ZNF230: variants seen among roughly 807,000 people sequenced by gnomAD.
ZNF230 encodes the protein zinc finger protein FDZF2.
A neutral mutation model predicts 10.0 loss-of-function variants in ZNF230; 12 were observed. That is an observed-to-expected ratio of 1.20 (90% CI 0.77 to 1.95). The LOEUF (loss-of-function observed/expected upper bound fraction) is 1.95, where lower values mean the gene tolerates loss of function less well. Among genes scored for constraint, ZNF230 ranks in the 30% most tolerant of loss-of-function variants. ZNF230 has a pLI of 0.00. For synonymous variants in ZNF230, 174 were observed against 193.6 expected, an observed-to-expected ratio of 0.90 and a Z score of 0.84; for missense variants, 532 against 565.8, an observed-to-expected ratio of 0.94 and a Z score of 0.61.
Position 44,012,539 on chromosome 19 carries a change from C to G in ZNF230, c.*1075C>G. On this transcript the variant is annotated 3_prime_UTR_variant, in exon 5 of 5. Coordinates refer to ENST00000429154, the MANE Select transcript of ZNF230 (RefSeq NM_006300.4). The stretch of plus-strand genomic sequence containing the variant: ...GCAGTAGGGTTGCAAACAGAACTTA[C>G]GCTTGTCATTCAGGAGACAGGCCTT... The G allele has an allele frequency of 1.6e-5, 8 of 505,728 alleles. No individual in the cohort carries two copies. The highest frequency in any genetic ancestry group is 1.2e-4 in the South Asian group (8 of 69,342). The allele number at this position is 505,728 out of a possible 1,614,324, so 31.3% of individuals were successfully genotyped here.
chr19:44,010,567 C>T lies in ZNF230; in HGVS notation c.528C>T (p.Ser176=). The change falls in exon 5 of 5, where the codon AGC becomes AGT. Residue 176 remains serine, a synonymous_variant. Coordinates refer to ENST00000429154, the MANE Select transcript of ZNF230 (RefSeq NM_006300.4). ...KSHTCNECGK[S]FCYISALRIH... ...ATACATGCAATGAGTGTGGAAAAAG[C>T]TTCTGTTACATCTCAGCTCTTCGTA... The T allele has an allele frequency of 6.2e-7, 1 of 1,614,256 alleles. No individual in the cohort carries two copies. The highest frequency in any genetic ancestry group is 1.3e-5 in the African/African-American group (1 of 75,076).
intron 3 of ZNF230, 22 bp downstream of exon 3, chr19:44,008,938 A>G: frequency 6.2e-7 from 1 of 1,612,870 alleles, no homozygotes; most frequent in South Asian, 1.1e-5. Context: ...CACCCTCTGT[A>G]ATGGTACATC....
chr19:44,012,957 A>G lies in ZNF230; in HGVS notation c.*1493A>G, dbSNP rs1303405101. The G allele has an allele frequency of 6.5e-6, 1 of 153,350 alleles. No individual in the cohort carries two copies. The highest frequency in any genetic ancestry group is 1.5e-5 in the Non-Finnish European group (1 of 68,904). 9.5% of individuals were successfully genotyped at this position (153,350 alleles called of 1,614,324 possible). On this transcript the variant is annotated 3_prime_UTR_variant, in exon 5 of 5. Transcript: ENST00000429154. Reference sequence around the variant, plus strand: ...GGTTGCATACAATATAAATTCAACAATCATTTGTAACTCTTCTCACACTAC... The same window carrying G: ...GGTTGCATACAATATAAATTCAACAGTCATTTGTAACTCTTCTCACACTAC...
chr19:44,010,682 G>C lies in ZNF230; in HGVS notation c.643G>C (p.Glu215Gln), dbSNP rs1976170693. The change falls in exon 5 of 5, where the codon GAG becomes CAG. Residue 215 changes from glutamate to glutamine, a missense_variant. Coordinates refer to ENST00000429154, the MANE Select transcript of ZNF230 (RefSeq NM_006300.4). ...FSQSSCLQTR[E>Q]RVHTGEKPFK... is the part of the protein sequence containing the mutation. ...TCAGAGCTCATGTCTGCAAACTCGTGAGAGAGTCCACACTGGAGAGAAACC... is the reference window on the plus strand; with the variant it reads ...TCAGAGCTCATGTCTGCAAACTCGTCAGAGAGTCCACACTGGAGAGAAACC... 8 of 1,614,222 alleles carry C rather than the reference G, an allele frequency of 5.0e-6. No individual in the cohort carries two copies. The East Asian group carries it at 1.8e-4, about 36-fold the overall frequency.
rs74995621 is a variant in ZNF230, at chr19:44,013,736, A to G, written c.*2272A>G. On this transcript the variant is annotated 3_prime_UTR_variant, in exon 5 of 5. Coordinates refer to ENST00000429154, the MANE Select transcript of ZNF230 (RefSeq NM_006300.4). The stretch of plus-strand genomic sequence containing the variant: ...TGTGTATATACGTAATTTGTGAACA[A>G]CTATTCTTTCCTCTGGCAATGAATA... The G allele has an allele frequency of 1.3e-4, 20 of 152,156 alleles. No homozygotes were observed. The East Asian group carries it at 3.3e-3, about 25-fold the overall frequency. The allele number at this position is 152,156 out of a possible 1,614,324, so 9.4% of individuals were successfully genotyped here. A position where few individuals can be genotyped will look rare whatever the true frequency, so the allele number is the denominator to read the frequency against.
In ZNF230 at chr19:44,010,585, T is replaced by A; in HGVS notation, c.546T>A (p.Ala182=). 1 of 1,614,236 alleles carries A rather than the reference T, an allele frequency of 6.2e-7. No homozygotes were observed. The highest frequency in any genetic ancestry group is 8.5e-7 in the Non-Finnish European group (1 of 1,180,040). ...ECGKSFCYIS[A]LRIHQRVHLR... is the part of the protein sequence containing the mutation. Reference sequence around the variant, plus strand: ...GAAAAAGCTTCTGTTACATCTCAGCTCTTCGTATTCACCAGAGAGTTCACT... The same window carrying A: ...GAAAAAGCTTCTGTTACATCTCAGCACTTCGTATTCACCAGAGAGTTCACT... The change falls in exon 5 of 5, where the codon GCT becomes GCA. Residue 182 remains alanine (A), a synonymous_variant. Transcript: ENST00000429154.
Position 44,010,903 on chromosome 19 carries a change from C to G in ZNF230, c.864C>G (p.Ser288Arg). 1 of 1,614,216 alleles carries G rather than the reference C, an allele frequency of 6.2e-7. No homozygotes were observed. Among genetic ancestry groups the G allele is most frequent in the South Asian group, 1.1e-5 (1 of 91,086 alleles). Residue 288 changes from serine to arginine, a missense_variant, in exon 5 of 5, where the codon AGC becomes AGG. Ser to Arg is a moderately radical substitution (Grantham distance 110). Transcript: ENST00000429154. ...TCAAATGTGAAATATGTGGTAAGAG[C>G]TTCTGCCTTAGGTCAAGTCTTAATA... Reference protein sequence around the residue: ...KPFKCEICGKSFCLRSSLNRH... With the variant: ...KPFKCEICGKRFCLRSSLNRH...
rs1041528375 is a variant in ZNF230 at position 44,010,374 on chromosome 19, A to T, written c.335A>T (p.Asn112Ile). 2 of 1,614,120 alleles carry T rather than the reference A, an allele frequency of 1.2e-6. No homozygotes were observed. Among genetic ancestry groups the T allele is most frequent in the Non-Finnish European group, 1.7e-6 (2 of 1,180,038 alleles). ...ACCCAGTCTCAAGACTCCATCATAA[A>T]TAATTCTCACTTCTTTGAACAAGGT... is the stretch of plus-strand genomic sequence containing the variant. ...DLTQSQDSII[N>I]NSHFFEQGDV... is the part of the protein sequence containing the mutation. Residue 112 changes from asparagine (N) to isoleucine (I), a missense_variant, in exon 5 of 5, where the codon AAT becomes ATT. Coordinates refer to ENST00000429154, the MANE Select transcript of ZNF230 (RefSeq NM_006300.4).
intron 1 of ZNF230, chr19:44,004,835 T>C (rs755092495): frequency 6.6e-5 from 10 of 151,366 alleles, no homozygotes; most frequent in Non-Finnish European, 1.0e-4. Flanking sequence ...TAAAATATTT[T>C]TGCTGGGCGC....
In ZNF230 at chr19:44,010,489, TG is replaced by T. The variant is rs1172681429; in HGVS notation, c.451del (p.Asp151MetfsTer41). On this transcript the variant is annotated frameshift_variant, in exon 5 of 5. Coordinates refer to ENST00000429154, the MANE Select transcript of ZNF230 (RefSeq NM_006300.4). LOFTEE classifies it low-confidence loss of function (END_TRUNC). Reference protein sequence around the residue: ...QNGKCKQSFSDVAIFDPPQQF... With the variant: ...QNGKCKQSFSXVAIFDPPQQF... Reference sequence around the variant, plus strand: ...ATGGGAAGTGTAAACAGTCCTTCAGTGATGTTGCCATCTTTGATCCTCCTCA... The same window carrying T: ...ATGGGAAGTGTAAACAGTCCTTCAGTATGTTGCCATCTTTGATCCTCCTCA... The T allele has an allele frequency of 6.8e-6, 11 of 1,614,240 alleles. No homozygotes were observed. In the East Asian group the frequency reaches 2.5e-4, roughly 36 times the overall value.
At chr19:44,006,152 G>C (rs977500502) in intron 1 of ZNF230, among the ~76,000 whole-genome samples, 2 of 151,678 alleles carry the variant, frequency 1.3e-5, no homozygotes, top group African/African-American at 4.9e-5. Flanking sequence ...TAAGGATATT[G>C]CACAAGTGAT....
In ZNF230 at chr19:44,011,287, G is replaced by GA. The variant is rs760202026; in HGVS notation, c.1254dup (p.Pro419ThrfsTer5). 9.3e-6 allele frequency: 15 copies of GA among 1,613,924 alleles called. No homozygotes were observed. Among genetic ancestry groups the GA allele is most frequent in the Middle Eastern group, 3.3e-4 (2 of 6,084 alleles). Reference sequence around the variant, plus strand: ...TGAATCATAAGAAACTCCACTGCCGGAAAAAACCCTTCAAATGTGAGGATT... The same window carrying GA: ...TGAATCATAAGAAACTCCACTGCCGGAAAAAAACCCTTCAAATGTGAGGATT... On this transcript the variant is annotated frameshift_variant, in exon 5 of 5. Coordinates refer to ENST00000429154, the MANE Select transcript of ZNF230 (RefSeq NM_006300.4). LOFTEE classifies it low-confidence loss of function (END_TRUNC).
At chr19:44,006,051 T>G (rs1369294888) in intron 1 of ZNF230, among the ~76,000 whole-genome samples, 4 of 25,912 alleles carry the variant, frequency 1.5e-4, no homozygotes, top group African/African-American at 2.7e-4. Context: ...AACATGGTGG[T>G]TTTTTTTTTA....
chr19:44,010,750 G>T lies in ZNF230; in HGVS notation c.711G>T (p.Ala237=). The T allele has an allele frequency of 1.2e-6, 2 of 1,614,130 alleles. No individual in the cohort carries two copies. The highest frequency in any genetic ancestry group is 1.7e-6 in the Non-Finnish European group (2 of 1,180,016). ...EQCGKGFRCR[A]ILQVHCKLHT... is the part of the protein sequence containing the mutation. ...GTGGGAAAGGCTTCAGATGTAGAGC[G>T]ATACTTCAAGTTCACTGCAAATTAC... The change falls in exon 5 of 5, where the codon GCG becomes GCT. Residue 237 remains alanine (A), a synonymous_variant. Coordinates refer to ENST00000429154, the MANE Select transcript of ZNF230 (RefSeq NM_006300.4).
rs1327169383 is a variant in ZNF230, at chr19:44,012,965, TAA to T, written c.*1502_*1503del. ...ACAATATAAATTCAACAATCATTTGTAACTCTTCTCACACTACAGGCTGAAAA... is the reference window on the plus strand; with the variant it reads ...ACAATATAAATTCAACAATCATTTGTCTCTTCTCACACTACAGGCTGAAAA... On this transcript the variant is annotated 3_prime_UTR_variant, in exon 5 of 5. Coordinates refer to ENST00000429154, the MANE Select transcript of ZNF230 (RefSeq NM_006300.4). The T allele has an allele frequency of 6.5e-6, 1 of 153,246 alleles. No individual in the cohort carries two copies. Among genetic ancestry groups the T allele is most frequent in the Admixed American group, 6.5e-5 (1 of 15,356 alleles). 9.5% of individuals were successfully genotyped at this position (153,246 alleles called of 1,614,324 possible). A position where few individuals can be genotyped will look rare whatever the true frequency, so the allele number is the denominator to read the frequency against.
chr19:44,004,047 A>G (rs1237829914), intron 1 of ZNF230: 1 of 152,246 alleles, frequency 6.6e-6, no homozygotes, highest in Non-Finnish European at 1.5e-5. Context: ...TCATTGAGGC[A>G]GAGGAACTAG....
In ZNF230 at chr19:44,012,669, A is replaced by G. The variant is rs1431585378; in HGVS notation, c.*1205A>G. 3 of 347,036 alleles carry G rather than the reference A, an allele frequency of 8.6e-6. No individual in the cohort carries two copies. The highest frequency in any genetic ancestry group is 6.5e-5 in the African/African-American group (3 of 46,272). The allele number at this position is 347,036 out of a possible 1,614,324, so 21.5% of individuals were successfully genotyped here. ...CAGGTACCTTGTTTTCTGCATCCTC[A>G]GGACCTTAACACTGATTAGCACTTA... On this transcript the variant is annotated 3_prime_UTR_variant, in exon 5 of 5. Transcript: ENST00000429154.
At chr19:44,009,394 A>T in intron 4 of ZNF230, 1 of 575,038 alleles carries the variant, frequency 1.7e-6, no homozygotes, top group Non-Finnish European at 3.1e-6. Context: ...TCAGTTTTCC[A>T]CTCCTTGGTC....
chr19:44,011,226 A>T lies in ZNF230; in HGVS notation c.1187A>T (p.Glu396Val), dbSNP rs757904761. Residue 396 changes from glutamate (E) to valine (V), a missense_variant, in exon 5 of 5, where the codon GAA becomes GTA. Transcript: ENST00000429154. ...GGAGAGAGACCTTATAATTGTAAGG[A>T]ATGTGGGAAGAGCTTTAGCCGGGCT... is the stretch of plus-strand genomic sequence containing the variant. ...HTGERPYNCK[E>V]CGKSFSRASS... 4 of 1,614,080 alleles carry T rather than the reference A, an allele frequency of 2.5e-6. No individual in the cohort carries two copies. Among genetic ancestry groups the T allele is most frequent in the Middle Eastern group, 3.3e-4 (2 of 6,062 alleles).
Sources: allele counts gnomAD v4.1 joint callset (sites outside exome capture counted in the v4.1 genomes callset), GRCh38; gene constraint gnomAD v4.1.1; transcripts MANE v1.5; gene names NCBI Gene and HGNC (gene_info 2026-07-23, HGNC 2026-07-21).